Variants in TMEM64 observed in about 807,000 individuals in gnomAD.
TMEM64 encodes transmembrane protein 64.
TMEM64 carries 19 observed loss-of-function variants against 24.5 expected under a neutral mutation model. The ratio of observed to expected loss-of-function variants is 0.78; its 90% CI spans 0.54 to 1.14. The LOEUF is 1.14. Ranked by LOEUF, TMEM64 falls within the 50% of genes most tolerant of loss-of-function variation. TMEM64 has a pLI of 0.00. For synonymous variants in TMEM64, 262 were observed against 224.7 expected (o/e 1.17, Z -1.49); for missense variants, 487 against 493.0 (o/e 0.99, Z 0.12).
rs1196511859 is a variant in TMEM64 at position 90,623,337 on chromosome 8, G to C, written c.*2334C>G. 5 of 152,116 alleles carry C rather than the reference G, an allele frequency of 3.3e-5. No homozygotes were observed. The highest frequency in any genetic ancestry group is 3.2e-3 in the Middle Eastern group (1 of 316). 9.4% of individuals were successfully genotyped at this position (152,116 alleles called of 1,614,324 possible). A position where few individuals can be genotyped will look rare whatever the true frequency, so the allele number is the denominator to read the frequency against. On this transcript the variant is annotated 3_prime_UTR_variant, in exon 3 of 3. Transcript: ENST00000458549. ...ATATGTGTTGCTGCCATAAATCTGG[G>C]ATGCAGGATTAAAAATGGAGTAAAT...
rs1041663736 is a variant in TMEM64 at position 90,645,713 on chromosome 8, G to C, written c.193C>G (p.Leu65Val). The stretch of plus-strand genomic sequence containing the variant: ...TGGCGCTCCAGATAGGCGCCGAGCA[G>C]GGCGCCCGAGGCCGCCGCTGCTGCC... ...AAAAAAASGA[L>V]LGAYLERHGP... Residue 65 changes from leucine to valine, a missense_variant, in exon 1 of 3, where the codon CTG becomes GTG. By Grantham distance (32) the Leu-to-Val change is conservative. Transcript: ENST00000458549. This position sits in a 1 kb window ranked among gnomAD's most constrained non-coding sequence, Gnocchi z 4.2. The C allele has an allele frequency of 7.6e-5, 92 of 1,214,424 alleles. No individual in the cohort carries two copies. The highest frequency in any genetic ancestry group is 9.2e-5 in the Non-Finnish European group (90 of 978,090). The allele number at this position is 1,214,424 out of a possible 1,614,324, so 75.2% of individuals were successfully genotyped here.
Position 90,645,893 on chromosome 8 carries a change from C to A in TMEM64, c.13G>T (p.Gly5Cys). MRSP[G>C]GILLQALPRL... is the part of the protein sequence containing the mutation. ...GGCAGCGCCTGGAGCAGGATCCCGC[C>A]CGGGCTCCGCATGCCTCGGCCCAGC... The change falls in exon 1 of 3, where the codon GGC (glycine) becomes TGC (cysteine). Residue 5 changes from glycine (G) to cysteine (C), a missense_variant. By Grantham distance (159) the Gly-to-Cys change is radical. Around this residue, in one of 3 missense-constraint regions of TMEM64, gnomAD observed 419 missense variants for 407.5 expected, o/e 1.03. Coordinates refer to ENST00000458549, the MANE Select transcript of TMEM64 (RefSeq NM_001008495.4). The surrounding 1 kb of genome is among the most constrained non-coding windows in gnomAD (Gnocchi z 4.2). 1.8e-6 allele frequency: 2 copies of A among 1,139,598 alleles called. No individual in the cohort carries two copies. The highest frequency in any genetic ancestry group is 1.1e-6 in the Non-Finnish European group (1 of 928,628). 70.6% of individuals were successfully genotyped at this position (1,139,598 alleles called of 1,614,324 possible).
At position 90,632,516 on chromosome 8, in the gene TMEM64, G is replaced by T. The variant is rs1586127608; in HGVS notation, c.796-809C>A. Reference sequence around the variant, plus strand: ...TTTTTGTATTTTTAGTAGAGATGGGGTTTCACCATATTAGCCAGGATGGTC... The same window carrying T: ...TTTTTGTATTTTTAGTAGAGATGGGTTTTCACCATATTAGCCAGGATGGTC... On this transcript the variant is annotated intron_variant, in intron 1 of 2. Transcript: ENST00000458549. 2.6e-5 allele frequency among the ~76,000 whole-genome samples: 4 copies of T among 152,238 alleles called. No homozygotes were observed. The South Asian group carries it at 8.3e-4, about 32-fold the overall frequency.
At chr8:90,640,864 A>G (rs1044325763) in intron 1 of TMEM64, among the ~76,000 whole-genome samples, 4 of 152,136 alleles carry the variant, frequency 2.6e-5, no homozygotes, top group South Asian at 2.1e-4. Context: ...CTTCAAACCT[A>G]TGGTGGGCTC....
chr8:90,637,244 G>A (rs1045924622), intron 1 of TMEM64, among the ~76,000 whole-genome samples: 1 of 152,234 alleles, frequency 6.6e-6, no homozygotes, highest in Non-Finnish European at 1.5e-5. Context: ...AGCTGGGGTT[G>A]TGGTCGGTCC....
intron 1 of TMEM64, among the ~76,000 whole-genome samples, chr8:90,637,365 A>C (rs1245365455): frequency 6.6e-6 from 1 of 152,186 alleles, no homozygotes; most frequent in African/African-American, 2.4e-5. Context: ...TAACCCACCC[A>C]GAAACTTTGT....
Position 90,646,027 on chromosome 8 carries a change from G to T in TMEM64, c.-122C>A, listed in dbSNP as rs1392129700. The T allele has an allele frequency of 1.0e-5, 4 of 397,630 alleles. No individual in the cohort carries two copies. The highest frequency in any genetic ancestry group is 1.1e-4 in the South Asian group (1 of 9,360). 24.6% of individuals were successfully genotyped at this position (397,630 alleles called of 1,614,324 possible). On this transcript the variant is annotated 5_prime_UTR_variant, in exon 1 of 3. Coordinates refer to ENST00000458549, the MANE Select transcript of TMEM64 (RefSeq NM_001008495.4). Reference sequence around the variant, plus strand: ...CTCCCTGCGTCCGCTCAGAGGGTGGGAGACGGCCCGTAGAAGGGCGCGGAG... The same window carrying T: ...CTCCCTGCGTCCGCTCAGAGGGTGGTAGACGGCCCGTAGAAGGGCGCGGAG...
Position 90,630,337 on chromosome 8 carries a change from T to A in TMEM64, c.951+1215A>T, listed in dbSNP as rs80332821. Among the ~76,000 whole-genome samples the A allele has an allele frequency of 8.0e-3, 1,225 of 152,316 alleles. 12 individuals are homozygous for A. Among genetic ancestry groups the A allele is most frequent in the African/African-American group, 0.029 (1,192 of 41,576 alleles). ...TTTTTTATTGTTGTATTGTTATTTT[T>A]AATTTTTTTCCCAAATATTTTTGAT... On this transcript the variant is annotated intron_variant, in intron 2 of 2. Transcript: ENST00000458549.
Position 90,645,190 on chromosome 8 carries a change from T to C in TMEM64, c.716A>G (p.Glu239Gly), listed in dbSNP as rs1809670694. The C allele has an allele frequency of 1.9e-6, 3 of 1,614,140 alleles. No homozygotes were observed. The highest frequency in any genetic ancestry group is 2.5e-6 in the Non-Finnish European group (3 of 1,180,018). ...EKLSAVIRVV[E>G]GGSGLKVVAL... is the part of the protein sequence containing the mutation. Reference sequence around the variant, plus strand: ...CACCACTTTCAGGCCGCTTCCTCCCTCCACTACGCGAATAACCGCGCTCAG... The same window carrying C: ...CACCACTTTCAGGCCGCTTCCTCCCCCCACTACGCGAATAACCGCGCTCAG... Residue 239 changes from glutamate (E) to glycine (G), a missense_variant, in exon 1 of 3, where the codon GAG (glutamate) becomes GGG (glycine). Physicochemically the swap from Glu to Gly is moderately conservative, Grantham distance 98. Transcript: ENST00000458549. The surrounding 1 kb of genome is among the most constrained non-coding windows in gnomAD (Gnocchi z 4.2).
intron 1 of TMEM64, among the ~76,000 whole-genome samples, chr8:90,641,477 T>C (rs1809603616): frequency 6.6e-6 from 1 of 152,194 alleles, no homozygotes; most frequent in Non-Finnish European, 1.5e-5. Context: ...GATACCTAAG[T>C]CAACTGTATA....
chr8:90,631,811 G>A, intron 1 of TMEM64, 104 bp from the exon 2 acceptor site: 1 of 895,764 alleles, frequency 1.1e-6, no homozygotes, highest in African/African-American at 1.7e-5. Context: ...TCCTCGGGAA[G>A]GAGCTGACAT....
chr8:90,628,061 G>A lies in TMEM64; in HGVS notation c.952-2199C>T, dbSNP rs116308672. On this transcript the variant is annotated intron_variant, in intron 2 of 2. Transcript: ENST00000458549. ...TGCACTTCTGATCCCAGGGCCTGACGATTTGTACTGTCCCCCAACACACCT... is the reference window on the plus strand; with the variant it reads ...TGCACTTCTGATCCCAGGGCCTGACAATTTGTACTGTCCCCCAACACACCT... 5.6e-3 allele frequency among the ~76,000 whole-genome samples: 849 copies of A among 152,298 alleles called. 6 individuals are homozygous for A. The highest frequency in any genetic ancestry group is 0.019 in the African/African-American group (786 of 41,564).
In TMEM64 at chr8:90,625,874, A is replaced by G. The variant is rs1362197979; in HGVS notation, c.952-12T>C. On this transcript the variant is annotated splice_polypyrimidine_tract_variant and intron_variant, in intron 2 of 2. Coordinates refer to ENST00000458549, the MANE Select transcript of TMEM64 (RefSeq NM_001008495.4). ...ATACTTATAATAATCTGTGAATAAAAATAAAACATTACAGTTATCAATATT... is the reference window on the plus strand; with the variant it reads ...ATACTTATAATAATCTGTGAATAAAGATAAAACATTACAGTTATCAATATT... 2.6e-6 allele frequency: 4 copies of G among 1,546,696 alleles called. No individual in the cohort carries two copies. Among genetic ancestry groups the G allele is most frequent in the South Asian group, 1.2e-5 (1 of 84,928 alleles).
intron 2 of TMEM64, among the ~76,000 whole-genome samples, chr8:90,630,581 A>C (rs1809422050): frequency 6.6e-6 from 1 of 152,134 alleles, no homozygotes; most frequent in Non-Finnish European, 1.5e-5. Flanking sequence ...AGCACTTGCC[A>C]TTTCCCATGG....
At chr8:90,633,293 C>T (rs181345827) in intron 1 of TMEM64, among the ~76,000 whole-genome samples, 1 of 152,286 alleles carries the variant, frequency 6.6e-6, no homozygotes, top group Non-Finnish European at 1.5e-5. Flanking sequence ...CAGTCAATAG[C>T]TAGCAAAAAT....
chr8:90,631,059 C>A (rs767477153), intron 2 of TMEM64, among the ~76,000 whole-genome samples: 1 of 152,084 alleles, frequency 6.6e-6, no homozygotes, highest in Admixed American at 6.5e-5. Context: ...GACATTTTTA[C>A]GAGGTAATAC....
intron 1 of TMEM64, among the ~76,000 whole-genome samples, chr8:90,637,344 C>T (rs1809538057): frequency 6.6e-6 from 1 of 152,114 alleles, no homozygotes; most frequent in South Asian, 2.1e-4. Context: ...AATGGCTTTA[C>T]CACTTTGATT....
chr8:90,638,099 C>G (rs923817912), intron 1 of TMEM64, among the ~76,000 whole-genome samples: 2 of 151,182 alleles, frequency 1.3e-5, no homozygotes, highest in Non-Finnish European at 2.9e-5. Flanking sequence ...CAGACTACCC[C>G]CACTCACTAC....
Position 90,625,499 on chromosome 8 carries a change from A to T in TMEM64, c.*172T>A. 1.8e-6 allele frequency: 1 copy of T among 558,878 alleles called. No individual in the cohort carries two copies. Among genetic ancestry groups the T allele is most frequent in the African/African-American group, 1.9e-5 (1 of 53,830 alleles). The allele number at this position is 558,878 out of a possible 1,614,324, so 34.6% of individuals were successfully genotyped here. A position where few individuals can be genotyped will look rare whatever the true frequency, so the allele number is the denominator to read the frequency against. The stretch of plus-strand genomic sequence containing the variant: ...CAAATTTGCATCTACATTTACACTT[A>T]CATACCCAGAAAATGATTCTTGCTT... On this transcript the variant is annotated 3_prime_UTR_variant, in exon 3 of 3. Transcript: ENST00000458549.
Sources: allele counts gnomAD v4.1 joint callset (sites outside exome capture counted in the v4.1 genomes callset), GRCh38; gene constraint gnomAD v4.1.1; regional missense constraint gnomAD v4.1.1; non-coding constraint Gnocchi (gnomAD v3.1); transcripts MANE v1.5; gene names NCBI Gene and HGNC (gene_info 2026-07-23, HGNC 2026-07-21).